The following VEGFA variants were observed in gnomAD, a reference collection of about 807,000 sequenced individuals.
VEGFA encodes the protein vascular endothelial growth factor A, long form.
In VEGFA, 20 loss-of-function variants were observed where a neutral mutation model predicts 49.7. The observed-to-expected ratio is 0.40, with a 90% CI of 0.28 to 0.58. The LOEUF is 0.58. VEGFA is among the 20% of genes least tolerant of loss of function. The pLI is 0.40. For missense variants in VEGFA, 505 were observed against 553.5 expected, an observed-to-expected ratio of 0.91 and a Z score of 0.88; for synonymous variants, 219 against 223.4, an observed-to-expected ratio of 0.98 and a Z score of 0.18.
At chr6:43,784,359 G>GCTGGGGCTGTTCTCATA in intron 7 of VEGFA, 182 bp from the exon 8 acceptor site, 1 of 695,236 alleles carries the variant, frequency 1.4e-6, no homozygotes, top group East Asian at 2.7e-5. Context: ...TGAGGGCAGG[G>GCTGGGGCTGTTCTCATA]CTGGGGCTGT....
At chr6:43,774,083 C>G (rs1164995536) in intron 1 of VEGFA, 1 of 572,408 alleles carries the variant, frequency 1.7e-6, no homozygotes, top group African/African-American at 1.9e-5. Context: ...GGTTTTCCTC[C>G]TGCATTTCGA....
intron 6 of VEGFA, 112 bp downstream of exon 6, chr6:43,780,915 T>C (rs1296961409): frequency 3.1e-6 from 5 of 1,611,072 alleles, no homozygotes; most frequent in African/African-American, 1.3e-5. Flanking sequence ...CTTCCCTGGC[T>C]CTCATCCTCC....
At chr6:43,782,175 AGCGG>A in intron 7 of VEGFA, 88 bp downstream of exon 7, 1 of 1,559,112 alleles carries the variant, frequency 6.4e-7, no homozygotes, top group Non-Finnish European at 8.7e-7. Flanking sequence ...CGAGCGAGCG[AGCGG>A]GAGAGCGCCT....
At position 43,773,011 on chromosome 6, in the gene VEGFA, C is replaced by A. The variant is rs968451795; in HGVS notation, c.607-1330C>A. On this transcript the variant is annotated intron_variant, in intron 1 of 7. Transcript: ENST00000672860. The surrounding 1 kb of genome is among the most constrained non-coding windows in gnomAD (Gnocchi z 5.6). ...TTGGGGCCCAGGAGGAGTGGAGGGT[C>A]CCGGGAGAATATTGTCAGGGGGAAG... Among the ~76,000 whole-genome samples the A allele has an allele frequency of 2.6e-5, 4 of 151,876 alleles. No homozygotes were observed. The highest frequency in any genetic ancestry group is 4.4e-5 in the Non-Finnish European group (3 of 67,948).
intron 1 of VEGFA, 196 bp from the exon 2 acceptor site, chr6:43,774,145 C>A: frequency 1.5e-6 from 1 of 647,286 alleles, no homozygotes. Flanking sequence ...GGGTTCATAA[C>A]CATAGCAGTC....
chr6:43,781,571 G>A (rs1398928511), intron 6 of VEGFA: 4 of 347,078 alleles, frequency 1.2e-5, no homozygotes, highest in Non-Finnish European at 2.3e-5. Flanking sequence ...CCTTGCACGG[G>A]GAGAAGGTGG....
intron 1 of VEGFA, 184 bp from the exon 2 acceptor site, chr6:43,774,157 A>C: frequency 1.5e-6 from 1 of 673,158 alleles, no homozygotes; most frequent in Non-Finnish European, 2.7e-6. Flanking sequence ...ATAGCAGTCC[A>C]GGAGTGGTGG....
chr6:43,782,625 A>T (rs1217953497), intron 7 of VEGFA: 1 of 219,976 alleles, frequency 4.5e-6, no homozygotes, highest in Non-Finnish European at 9.2e-6. Flanking sequence ...CCCTGAGGAA[A>T]GGGTTGTGTC....
Position 43,770,751 on chromosome 6 carries a change from C to G in VEGFA, c.45C>G (p.His15Gln). The G allele has an allele frequency of 6.6e-7, 1 of 1,511,210 alleles. No homozygotes were observed. Among genetic ancestry groups the G allele is most frequent in the African/African-American group, 1.4e-5 (1 of 69,308 alleles). The allele number at this position is 1,511,210 out of a possible 1,614,324, so 93.6% of individuals were successfully genotyped here. A position where few individuals can be genotyped will look rare whatever the true frequency, so the allele number is the denominator to read the frequency against. ...ACACCGCCCCCAGCCCCAGCTACCA[C>G]CTCCTCCCCGGCCGGCGGCGGACAG... The change falls in exon 1 of 8, where the codon CAC becomes CAG. Residue 15 changes from histidine to glutamine, a missense_variant. This residue lies in a region of VEGFA where 340 missense variants were observed against 321.8 expected (regional missense o/e 1.06). Coordinates refer to ENST00000672860, the MANE Select transcript of VEGFA (RefSeq NM_003376.6).
chr6:43,771,871 C>CT (rs1763702749), intron 1 of VEGFA: 2 of 227,744 alleles, frequency 8.8e-6, no homozygotes, highest in Non-Finnish European at 1.5e-5. Flanking sequence ...GGGACCCCCC[C>CT]TCCCTGCTGG....
chr6:43,779,474 T>C, intron 5 of VEGFA: 1 of 365,474 alleles, frequency 2.7e-6, no homozygotes, highest in Admixed American at 3.7e-5. Flanking sequence ...GAGTGCTCCG[T>C]GTTAAGGGGC....
At chr6:43,780,465 A>T in intron 5 of VEGFA, 1 of 514,340 alleles carries the variant, frequency 1.9e-6, no homozygotes, top group East Asian at 3.7e-5. Flanking sequence ...TCGGCTTCCC[A>T]CCAAAGCCTT....
At position 43,773,915 on chromosome 6, in the gene VEGFA, C is replaced by T. The variant is rs1383781648; in HGVS notation, c.607-426C>T. ...GAGAAGGTCACCATGTTGTTTTTCT[C>T]GCCCCTAGTCCTTCCTTCCTGCCCC... is the stretch of plus-strand genomic sequence containing the variant. On this transcript the variant is annotated intron_variant, in intron 1 of 7. Coordinates refer to ENST00000672860, the MANE Select transcript of VEGFA (RefSeq NM_003376.6). The surrounding 1 kb of genome is among the most constrained non-coding windows in gnomAD (Gnocchi z 5.6). The T allele has an allele frequency of 9.2e-6, 2 of 217,680 alleles. No homozygotes were observed. Among genetic ancestry groups the T allele is most frequent in the East Asian group, 9.5e-5 (1 of 10,570 alleles). The allele number at this position is 217,680 out of a possible 1,614,324, so 13.5% of individuals were successfully genotyped here. A position where few individuals can be genotyped will look rare whatever the true frequency, so the allele number is the denominator to read the frequency against.
chr6:43,773,008 G>A lies in VEGFA; in HGVS notation c.607-1333G>A, dbSNP rs565527046. On this transcript the variant is annotated intron_variant, in intron 1 of 7. Coordinates refer to ENST00000672860, the MANE Select transcript of VEGFA (RefSeq NM_003376.6). This position sits in a 1 kb window ranked among gnomAD's most constrained non-coding sequence, Gnocchi z 5.6. ...TCCTTGGGGCCCAGGAGGAGTGGAG[G>A]GTCCCGGGAGAATATTGTCAGGGGG... 6.6e-6 allele frequency among the ~76,000 whole-genome samples: 1 copy of A among 152,240 alleles called. No homozygotes were observed. Among genetic ancestry groups the A allele is most frequent in the Admixed American group, 6.5e-5 (1 of 15,298 alleles).
intron 1 of VEGFA, chr6:43,774,016 G>A (rs1395973786): frequency 6.5e-6 from 3 of 459,230 alleles, no homozygotes; most frequent in Non-Finnish European, 1.2e-5. Context: ...GATAGTGAGA[G>A]CAGGGAGAGG....
In VEGFA at chr6:43,771,114, C is replaced by T. The variant is rs1460447168; in HGVS notation, c.408C>T (p.Pro136=). 5 of 1,478,610 alleles carry T rather than the reference C, an allele frequency of 3.4e-6. No individual in the cohort carries two copies. Among genetic ancestry groups the T allele is most frequent in the Admixed American group, 2.4e-5 (1 of 42,482 alleles). The allele number at this position is 1,478,610 out of a possible 1,614,324, so 91.6% of individuals were successfully genotyped here. A position where few individuals can be genotyped will look rare whatever the true frequency, so the allele number is the denominator to read the frequency against. Residue 136 remains proline, a synonymous_variant, in exon 1 of 8, where the codon CCC becomes CCT. Coordinates refer to ENST00000672860, the MANE Select transcript of VEGFA (RefSeq NM_003376.6). ...ACAGTGCTCCAGCCGCGCGCGCTCCCCAGGCCCTGGCCCGGGCCTCGGGCC... is the reference window on the plus strand; with the variant it reads ...ACAGTGCTCCAGCCGCGCGCGCTCCTCAGGCCCTGGCCCGGGCCTCGGGCC...
chr6:43,779,240 A>G (rs1766504101), intron 5 of VEGFA: 2 of 512,680 alleles, frequency 3.9e-6, no homozygotes, highest in Non-Finnish European at 7.1e-6. Context: ...GGCTTGCTCT[A>G]GGACACCCAC....
rs1052823152 is a variant in VEGFA, at chr6:43,770,473, G to A, written c.-234G>A. ...ACTTGAATCGGGCCGACGGCTTGGG[G>A]AGATTGCTCTACTTCCCCAAATCAC... On this transcript the variant is annotated 5_prime_UTR_variant, in exon 1 of 8. Coordinates refer to ENST00000672860, the MANE Select transcript of VEGFA (RefSeq NM_003376.6). The A allele has an allele frequency of 1.1e-6, 1 of 869,934 alleles. No homozygotes were observed. Among genetic ancestry groups the A allele is most frequent in the Non-Finnish European group, 1.5e-6 (1 of 646,498 alleles). The allele number at this position is 869,934 out of a possible 1,614,324, so 53.9% of individuals were successfully genotyped here. A position where few individuals can be genotyped will look rare whatever the true frequency, so the allele number is the denominator to read the frequency against.
chr6:43,772,949 C>G (rs1030156890), intron 1 of VEGFA, among the ~76,000 whole-genome samples: 2 of 152,176 alleles, frequency 1.3e-5, no homozygotes, highest in Non-Finnish European at 2.9e-5. Context: ...GCTCCCTGGC[C>G]TTGGAAGGGG....
Sources: gnomAD v4.1 joint callset for allele counts (sites outside exome capture counted in the v4.1 genomes callset) on GRCh38, gnomAD v4.1.1 for gene constraint, gnomAD v4.1.1 regional missense constraint, Gnocchi (gnomAD v3.1) non-coding constraint, MANE v1.5 for transcripts, NCBI Gene and HGNC (gene_info 2026-07-23, HGNC 2026-07-21) for gene names.